NRXN1: variants seen among roughly 807,000 people sequenced by gnomAD.
The protein encoded by NRXN1 is neurexin 1, also known as neurexin-1.
Under a neutral mutation model 150.9 loss-of-function variants are expected in NRXN1, and 39 were observed. That is an observed-to-expected ratio of 0.26 (90% confidence interval 0.20 to 0.34). The LOEUF (loss-of-function observed/expected upper bound fraction) is 0.34, where lower values mean the gene tolerates loss of function less well. NRXN1 is among the 10% of genes least tolerant of loss of function. The pLI is 1.00. For missense variants in NRXN1, 1,815 were observed against 1,949.9 expected, an observed-to-expected ratio of 0.93 and a Z score of 1.30; for synonymous variants, 924 against 757.0, an observed-to-expected ratio of 1.22 and a Z score of -3.62.
At chr2:50,247,450 T>G (rs1378601940) in intron 17 of NRXN1, among the ~76,000 whole-genome samples, 1 of 152,134 alleles carries the variant, frequency 6.6e-6, no homozygotes, top group Non-Finnish European at 1.5e-5. Flanking sequence ...AAAGCTAGCA[T>G]CACCAGTAAT....
intron 17 of NRXN1, among the ~76,000 whole-genome samples, chr2:50,424,852 C>G (rs1011784375): frequency 6.7e-6 from 1 of 149,596 alleles, no homozygotes; most frequent in Non-Finnish European, 1.5e-5. Flanking sequence ...CAGATTAATA[C>G]CAGTAATATC....
intron 5 of NRXN1, among the ~76,000 whole-genome samples, chr2:50,672,978 C>G (rs922689891): frequency 2.6e-5 from 4 of 152,058 alleles, no homozygotes; most frequent in Admixed American, 2.6e-4. Flanking sequence ...TTCTAGCTTA[C>G]TAAACTGGAA....
chr2:50,858,918 G>A (rs950232617), intron 5 of NRXN1, among the ~76,000 whole-genome samples: 9 of 152,046 alleles, frequency 5.9e-5, no homozygotes, highest in Non-Finnish European at 1.3e-4. Flanking sequence ...AAACTATTGA[G>A]TGAAGTGCAT....
chr2:50,746,390 T>A (rs1484932145), intron 5 of NRXN1, among the ~76,000 whole-genome samples: 3 of 151,838 alleles, frequency 2.0e-5, no homozygotes, highest in African/African-American at 7.3e-5. Context: ...AAACCTCATA[T>A]CTACAAAAAA....
intron 18 of NRXN1, among the ~76,000 whole-genome samples, chr2:50,198,699 G>A (rs75501541): frequency 0.21 from 31,986 of 151,746 alleles, 3,909 homozygotes; most frequent in East Asian, 0.4. Context: ...TCATTAAAGT[G>A]CAGGGATCCT....
chr2:50,681,615 A>G (rs1228530667), intron 5 of NRXN1, among the ~76,000 whole-genome samples: 1 of 152,182 alleles, frequency 6.6e-6, no homozygotes, highest in African/African-American at 2.4e-5. Context: ...ATTAATCTGA[A>G]GTAATATTCT....
chr2:50,666,959 A>T (rs1398641286), intron 5 of NRXN1, among the ~76,000 whole-genome samples: 1 of 151,840 alleles, frequency 6.6e-6, no homozygotes, highest in Non-Finnish European at 1.5e-5. Context: ...GAACACACGC[A>T]TGGCGTGGTG....
chr2:50,830,005 A>G (rs934855447), intron 5 of NRXN1, among the ~76,000 whole-genome samples: 6,923 of 58,630 alleles, frequency 0.12, 388 homozygotes, highest in Non-Finnish European at 0.24. Context: ...GCTGGAAAAA[A>G]AAAAAAAAAA....
At chr2:50,703,113 T>C (rs1693982168) in intron 5 of NRXN1, among the ~76,000 whole-genome samples, 1 of 152,134 alleles carries the variant, frequency 6.6e-6, no homozygotes, top group African/African-American at 2.4e-5. Flanking sequence ...TTTCATTTAA[T>C]TGTAAATAAG....
At chr2:50,822,195 G>C (rs1265831522) in intron 5 of NRXN1, among the ~76,000 whole-genome samples, 1 of 151,934 alleles carries the variant, frequency 6.6e-6, no homozygotes, top group Admixed American at 6.6e-5. Context: ...ATAAAACAAA[G>C]TGAAAGATTA....
At chr2:51,025,884 T>G (rs900965988) in intron 2 of NRXN1, among the ~76,000 whole-genome samples, 4 of 152,196 alleles carry the variant, frequency 2.6e-5, no homozygotes, top group African/African-American at 9.7e-5. Flanking sequence ...TTTCTATAAT[T>G]ACCTAAGCCA....
chr2:50,266,428 T>C (rs1284983166), intron 17 of NRXN1, among the ~76,000 whole-genome samples: 1 of 147,974 alleles, frequency 6.8e-6, no homozygotes, highest in Non-Finnish European at 1.5e-5. Context: ...TAAATTTTTA[T>C]ATATGCATTA....
At chr2:50,980,598 A>G (rs1327442467) in intron 2 of NRXN1, among the ~76,000 whole-genome samples, 3 of 152,122 alleles carry the variant, frequency 2.0e-5, no homozygotes, top group Admixed American at 6.6e-5. Flanking sequence ...AATTTAATTA[A>G]GCTAGTTTCT....
intron 2 of NRXN1, among the ~76,000 whole-genome samples, chr2:50,989,435 A>C (rs1219101599): frequency 6.6e-6 from 1 of 152,030 alleles, no homozygotes; most frequent in Non-Finnish European, 1.5e-5. Context: ...CAAGGTATAA[A>C]TAATTTCCAA....
chr2:50,958,470 G>A lies in NRXN1; in HGVS notation c.773-32515C>T, dbSNP rs1383085357. Among the ~76,000 whole-genome samples, 4 of 151,936 alleles carry A rather than the reference G, an allele frequency of 2.6e-5. 1 individual carries two copies. Among genetic ancestry groups the A allele is most frequent in the African/African-American group, 9.7e-5 (4 of 41,312 alleles). On this transcript the variant is annotated intron_variant, in intron 2 of 22. Transcript: ENST00000401669. ...CTTTACAAAACTACTATTGGTGAAT[G>A]CTTTTGTAATAAGCTTGTTTTTTTT...
At chr2:50,683,609 G>T (rs1690747669) in intron 5 of NRXN1, among the ~76,000 whole-genome samples, 1 of 57,876 alleles carries the variant, frequency 1.7e-5, no homozygotes. Flanking sequence ...TCCAGCCTGG[G>T]TGACAGAGCA....
chr2:50,371,952 T>A (rs2080061296), intron 17 of NRXN1, among the ~76,000 whole-genome samples: 2 of 152,038 alleles, frequency 1.3e-5, no homozygotes, highest in Non-Finnish European at 2.9e-5. Context: ...AAAGCTTGAA[T>A]TAAAAAGGTA....
intron 12 of NRXN1, among the ~76,000 whole-genome samples, chr2:50,520,800 T>C (rs1389460732): frequency 4.6e-5 from 7 of 152,056 alleles, no homozygotes; most frequent in Admixed American, 6.6e-5. Flanking sequence ...AACTCCATAT[T>C]TATCTGCCTA....
chr2:50,902,096 G>T (rs1683041529), intron 5 of NRXN1, among the ~76,000 whole-genome samples: 1 of 151,980 alleles, frequency 6.6e-6, no homozygotes, highest in Non-Finnish European at 1.5e-5. Flanking sequence ...TTTTCCTTTA[G>T]AAAAGCGTAA....
Sources: allele counts gnomAD v4.1 joint callset (sites outside exome capture counted in the v4.1 genomes callset), GRCh38; gene constraint gnomAD v4.1.1; transcripts MANE v1.5; gene names NCBI Gene and HGNC (gene_info 2026-07-23, HGNC 2026-07-21).